The following CTDP1 variants were observed in gnomAD, a reference collection of about 807,000 sequenced individuals.
CTDP1 encodes the protein CTD phosphatase 1.
CTDP1 carries 47 observed loss-of-function variants against 91.8 expected under a neutral mutation model. That is an observed-to-expected ratio of 0.51 (90% CI 0.41 to 0.65). The LOEUF (loss-of-function observed/expected upper bound fraction) is 0.65. Among genes scored for constraint, CTDP1 ranks in the 30% least tolerant of loss-of-function variants. CTDP1 has a pLI of 0.00. For synonymous variants in CTDP1, 656 were observed against 598.5 expected, an observed-to-expected ratio of 1.10 and a Z score of -1.40; for missense variants, 1,272 against 1,373.7, an observed-to-expected ratio of 0.93 and a Z score of 1.17.
chr18:79,701,995 A>G (rs2085869405), intron 4 of CTDP1, among the ~76,000 whole-genome samples: 1 of 152,236 alleles, frequency 6.6e-6, no homozygotes, highest in African/African-American at 2.4e-5. Context: ...GCTCCTGGAG[A>G]AGATGCTGCG....
At position 79,704,635 on chromosome 18, in the gene CTDP1, C is replaced by T. The variant is rs113114336; in HGVS notation, c.622-132C>T. The T allele has an allele frequency of 6.5e-3, 8,037 of 1,231,580 alleles. 366 individuals are homozygous for T. In the African/African-American group the frequency reaches 0.099, roughly 15 times the overall value. 76.3% of individuals were successfully genotyped at this position (1,231,580 alleles called of 1,614,324 possible). A position where few individuals can be genotyped will look rare whatever the true frequency, so the allele number is the denominator to read the frequency against. ...GTGTCTTCAGGACGCCTGTCGGGCA[C>T]ACGCGTGTCTTCAGAACGCTTGTCT... On this transcript the variant is annotated intron_variant, in intron 4 of 12. Coordinates refer to ENST00000613122, the MANE Select transcript of CTDP1 (RefSeq NM_004715.5).
chr18:79,755,214 A>G (rs1459665529), downstream of CTDP1: 1 of 152,202 alleles, frequency 6.6e-6, no homozygotes. Flanking sequence ...GCAGCACGCC[A>G]GCCCCGGGTG....
intron 12 of CTDP1, among the ~76,000 whole-genome samples, chr18:79,741,839 A>G (rs2086784353): frequency 6.6e-6 from 1 of 152,240 alleles, no homozygotes; most frequent in Non-Finnish European, 1.5e-5. Context: ...GTTGTTTTTA[A>G]TCTTGGATAA....
intron 10 of CTDP1, among the ~76,000 whole-genome samples, chr18:79,719,989 A>G (rs1323060899): frequency 7.3e-6 from 1 of 136,482 alleles, no homozygotes; most frequent in African/African-American, 2.8e-5. Flanking sequence ...TGTCCTGGTG[A>G]CGATGTCATC....
chr18:79,739,460 A>AAACCACGCAAGCACGATTAGAG (rs1255355748), intron 12 of CTDP1, among the ~76,000 whole-genome samples: 29 of 151,642 alleles, frequency 1.9e-4, no homozygotes, highest in Non-Finnish European at 4.1e-4. Context: ...CTCACGGGTG[A>AAACCACGCAAGCACGATTAGAG]AACCACGCAA....
chr18:79,681,030 G>T (rs2085353977), intron 1 of CTDP1: 1 of 152,414 alleles, frequency 6.6e-6, no homozygotes, highest in East Asian at 1.9e-4. Flanking sequence ...ACTCCAGCCC[G>T]CAGTGGGCCG....
intron 12 of CTDP1, among the ~76,000 whole-genome samples, chr18:79,746,739 T>C (rs2086890910): frequency 6.6e-6 from 1 of 152,110 alleles, no homozygotes; most frequent in Non-Finnish European, 1.5e-5. Context: ...GCCTCAACCT[T>C]CCAAGTAGGT....
intron 1 of CTDP1, among the ~76,000 whole-genome samples, chr18:79,693,769 A>G (rs530026714): frequency 1.3e-5 from 2 of 152,228 alleles, no homozygotes; most frequent in South Asian, 4.1e-4. Flanking sequence ...CTCCCCAGGA[A>G]GAACTCCCCT....
intron 8 of CTDP1, 141 bp downstream of exon 8, chr18:79,715,669 CA>C (rs2086192256): frequency 1.0e-6 from 1 of 976,594 alleles, no homozygotes; most frequent in Non-Finnish European, 1.5e-6. Flanking sequence ...AAGAATAGAT[CA>C]TGACAGTGGG....
rs1247690976 is a variant in CTDP1 at position 79,695,309 on chromosome 18, G to A, written c.398+1G>A. ...CTGAATGTGGCCAAGACCTCACCCA[G>A]TAAGTATCCGGAAGAGTGAGATCGC... On this transcript the variant is annotated splice_donor_variant, in intron 2 of 12. Transcript: ENST00000613122. LOFTEE classifies it high-confidence loss of function. 6.2e-7 allele frequency: 1 copy of A among 1,614,036 alleles called. No individual in the cohort carries two copies.
intron 12 of CTDP1, among the ~76,000 whole-genome samples, chr18:79,750,242 C>A (rs569458360): frequency 4.7e-5 from 7 of 149,580 alleles, no homozygotes; most frequent in Non-Finnish European, 1.0e-4. Flanking sequence ...TGCAGTGTTG[C>A]GGTCATGGCC....
chr18:79,745,070 TG>T (rs1215832386), intron 12 of CTDP1, among the ~76,000 whole-genome samples: 1 of 151,928 alleles, frequency 6.6e-6, no homozygotes, highest in Non-Finnish European at 1.5e-5. Flanking sequence ...GTCCTGAGAG[TG>T]GGGTGGGGAA....
intron 12 of CTDP1, among the ~76,000 whole-genome samples, chr18:79,740,154 A>G (rs1318950372): frequency 6.7e-5 from 9 of 134,888 alleles, no homozygotes; most frequent in Admixed American, 2.3e-4. Context: ...TGGGACTCTC[A>G]TACCCACGGC....
In CTDP1 at chr18:79,716,119, C is replaced by T. The variant is rs77922524; in HGVS notation, c.2068+591C>T. Among the ~76,000 whole-genome samples the T allele has an allele frequency of 2.0e-3, 301 of 152,308 alleles. 3 individuals carry two copies. The East Asian group carries it at 0.027, about 13-fold the overall frequency. ...CGGTGCTTAAAAAACCCAAATACCT[C>T]GTTATTCTAGTTATTCTGTGAAAAT... On this transcript the variant is annotated intron_variant, in intron 8 of 12. Transcript: ENST00000613122.
chr18:79,733,697 C>T (rs1430214059), intron 11 of CTDP1, among the ~76,000 whole-genome samples: 4 of 152,160 alleles, frequency 2.6e-5, no homozygotes, highest in African/African-American at 9.7e-5. Flanking sequence ...GGATGCTTTC[C>T]CGACCTTGCT....
Position 79,728,812 on chromosome 18 carries a change from G to T in CTDP1, c.2418-95G>T, listed in dbSNP as rs141053413. 8.0e-4 allele frequency: 1,005 copies of T among 1,251,984 alleles called. 2 individuals are homozygous for T. The Middle Eastern group carries it at 0.011, about 14-fold the overall frequency. 77.6% of individuals were successfully genotyped at this position (1,251,984 alleles called of 1,614,324 possible). A position where few individuals can be genotyped will look rare whatever the true frequency, so the allele number is the denominator to read the frequency against. On this transcript the variant is annotated intron_variant, in intron 10 of 12. Transcript: ENST00000613122. ...GTGTTCCCTGTTGGGGTGTGTGAGT[G>T]TTTACCTAGTCCGAGAGCCAGGAGT...
chr18:79,755,687 C>G (rs2087083771), downstream of CTDP1: 1 of 152,254 alleles, frequency 6.6e-6, no homozygotes, highest in African/African-American at 2.4e-5. Context: ...CAAGGTGGCC[C>G]CTTGTTCTGC....
Position 79,679,859 on chromosome 18 carries a change from C to T in CTDP1, c.-89C>T. 5 of 1,223,116 alleles carry T rather than the reference C, an allele frequency of 4.1e-6. No individual in the cohort carries two copies. The highest frequency in any genetic ancestry group is 1.6e-5 in the South Asian group (1 of 61,358). The allele number at this position is 1,223,116 out of a possible 1,614,324, so 75.8% of individuals were successfully genotyped here. On this transcript the variant is annotated 5_prime_UTR_variant, in exon 1 of 13. Coordinates refer to ENST00000613122, the MANE Select transcript of CTDP1 (RefSeq NM_004715.5). ...CCGGTACCGAGAGGAACTACAGCGT[C>T]GCCGCCTGGGTTGTGTCGCCGCGGT...
At chr18:79,714,370 A>T (rs2086149316) in intron 7 of CTDP1, 121 bp from the exon 8 acceptor site, 2 of 1,165,594 alleles carry the variant, frequency 1.7e-6, no homozygotes, top group African/African-American at 1.5e-5. Flanking sequence ...AAGGTTGCCA[A>T]GGCCTGGTCT....
Sources: allele counts gnomAD v4.1 joint callset (sites outside exome capture counted in the v4.1 genomes callset), GRCh38; gene constraint gnomAD v4.1.1; transcripts MANE v1.5; gene names NCBI Gene and HGNC (gene_info 2026-07-23, HGNC 2026-07-21).